The following KMT5B variants were observed in gnomAD, a reference collection of about 807,000 sequenced individuals.
KMT5B encodes the protein lysine methyltransferase 5B.
Under a neutral mutation model 83.2 loss-of-function variants are expected in KMT5B, and 10 were observed. The observed-to-expected ratio is 0.12, with a 90% CI of 0.07 to 0.20. KMT5B has a LOEUF of 0.20. Ranked by LOEUF, KMT5B falls within the 10% of genes least tolerant of loss-of-function variation. The pLI is 1.00. For synonymous variants in KMT5B, 349 were observed against 388.8 expected (o/e 0.90, Z 1.20); for missense variants, 753 against 1,067.2 (o/e 0.71, Z 4.10).
At chr11:68,211,174 C>T (rs1406052339) in intron 1 of KMT5B, among the ~76,000 whole-genome samples, 2 of 152,210 alleles carry the variant, frequency 1.3e-5, no homozygotes, top group Non-Finnish European at 2.9e-5. Context: ...ACTAAATTCT[C>T]TGCTGAAAGA....
intron 1 of KMT5B, among the ~76,000 whole-genome samples, chr11:68,190,586 C>T (rs777066418): frequency 1.6e-4 from 24 of 152,080 alleles, no homozygotes; most frequent in Non-Finnish European, 2.6e-4. Flanking sequence ...TGGATAATCC[C>T]GACCCTGTGT....
intron 1 of KMT5B, among the ~76,000 whole-genome samples, chr11:68,203,552 C>A (rs545263060): frequency 1.3e-5 from 2 of 152,296 alleles, no homozygotes; most frequent in South Asian, 4.1e-4. Flanking sequence ...TAAAAGAAGC[C>A]CTGCAAAGCT....
intron 1 of KMT5B, among the ~76,000 whole-genome samples, chr11:68,211,421 T>TA (rs1228864838): frequency 6.6e-6 from 1 of 152,214 alleles, no homozygotes; most frequent in African/African-American, 2.4e-5. Flanking sequence ...ATTGAAGAAA[T>TA]ATCTACCATA....
intron 1 of KMT5B, among the ~76,000 whole-genome samples, chr11:68,198,475 GACA>G (rs1282094229): frequency 5.5e-5 from 7 of 127,106 alleles, no homozygotes; most frequent in African/African-American, 2.3e-4. Flanking sequence ...GACAAGACAA[GACA>G]AGACAAGACA....
intron 1 of KMT5B, among the ~76,000 whole-genome samples, chr11:68,202,373 G>A (rs964845578): frequency 1.3e-5 from 2 of 152,076 alleles, no homozygotes; most frequent in African/African-American, 4.8e-5. Context: ...TGCACTTGGG[G>A]TGCCGCCACA....
chr11:68,168,155 G>A (rs1463624816), intron 9 of KMT5B, among the ~76,000 whole-genome samples: 1 of 152,062 alleles, frequency 6.6e-6, no homozygotes, highest in Non-Finnish European at 1.5e-5. Context: ...GCAAGACTCC[G>A]TCTAAAAAAA....
intron 6 of KMT5B, among the ~76,000 whole-genome samples, chr11:68,173,471 C>A (rs1856043857): frequency 6.6e-6 from 1 of 152,194 alleles, no homozygotes; most frequent in Non-Finnish European, 1.5e-5. Context: ...TTAGCCCCAA[C>A]CTTTCTTCTA....
At chr11:68,209,318 G>T (rs1156977154) in intron 1 of KMT5B, among the ~76,000 whole-genome samples, 2 of 152,156 alleles carry the variant, frequency 1.3e-5, no homozygotes, top group African/African-American at 2.4e-5. Context: ...TGGAATACTG[G>T]TCATGTCCAG....
chr11:68,165,773 A>G, intron 10 of KMT5B: 2 of 1,511,964 alleles, frequency 1.3e-6, no homozygotes, highest in Non-Finnish European at 1.8e-6. Flanking sequence ...ATGATTGACT[A>G]ACTCTTGTTG....
chr11:68,208,543 C>T (rs529559120), intron 1 of KMT5B, among the ~76,000 whole-genome samples: 1 of 152,212 alleles, frequency 6.6e-6, no homozygotes, highest in East Asian at 1.9e-4. Flanking sequence ...GCATAGAGGT[C>T]AGAGCATACT....
rs143819805 is a variant in KMT5B, at chr11:68,203,779, G to A, written c.-77+9359C>T. Among the ~76,000 whole-genome samples, 38 of 152,200 alleles carry A rather than the reference G, an allele frequency of 2.5e-4. 1 individual carries two copies. Among genetic ancestry groups the A allele is most frequent in the African/African-American group, 8.4e-4 (35 of 41,530 alleles). ...GTGTTAGTATTATGAAAAGAGAAAG[G>A]CCTCAGGGTTTTCATTTCCCTGAAT... On this transcript the variant is annotated intron_variant, in intron 1 of 10. Transcript: ENST00000304363.
intron 1 of KMT5B, among the ~76,000 whole-genome samples, chr11:68,196,513 T>C (rs1422786763): frequency 6.7e-6 from 1 of 149,408 alleles, no homozygotes; most frequent in African/African-American, 2.5e-5. Context: ...ATGAAATAAA[T>C]AGGTTGTATT....
In KMT5B at chr11:68,167,198, A is replaced by G; in HGVS notation, c.978-20T>C. ...CCCCGTCTGAAAGAGAAAATAGCAC[A>G]GGTTAAACAAATAGAACACACTTTC... On this transcript the variant is annotated intron_variant, in intron 9 of 10. Coordinates refer to ENST00000304363, the MANE Select transcript of KMT5B (RefSeq NM_017635.5). 6.3e-7 allele frequency: 1 copy of G among 1,584,170 alleles called. No individual in the cohort carries two copies. The highest frequency in any genetic ancestry group is 8.6e-7 in the Non-Finnish European group (1 of 1,163,420).
intron 3 of KMT5B, among the ~76,000 whole-genome samples, chr11:68,181,954 C>A (rs2153063519): frequency 6.6e-6 from 1 of 152,320 alleles, no homozygotes; most frequent in Middle Eastern, 3.4e-3. Context: ...GCTGCTCTAA[C>A]CAGGGCAACA....
rs558038816 is a variant in KMT5B, at chr11:68,191,373, G to A, written c.-76-1221C>T. ...ATTTGAGACAGGGCCTTGCTCTGTC[G>A]CCCCGGCTAGAGTGCAGTGGTGCCA... On this transcript the variant is annotated intron_variant, in intron 1 of 10. Transcript: ENST00000304363. Among the ~76,000 whole-genome samples, 36 of 151,844 alleles carry A rather than the reference G, an allele frequency of 2.4e-4. No homozygotes were observed. In the South Asian group the frequency reaches 5.8e-3, roughly 25 times the overall value.
At chr11:68,179,777 A>G (rs1856741302) in intron 4 of KMT5B, 2 of 509,214 alleles carry the variant, frequency 3.9e-6, no homozygotes, top group Non-Finnish European at 5.9e-6. Flanking sequence ...GCAAATCCAC[A>G]GTTTGTAGAC....
chr11:68,160,629 C>A (rs374153484), intron 10 of KMT5B, among the ~76,000 whole-genome samples: 1 of 152,294 alleles, frequency 6.6e-6, no homozygotes, highest in South Asian at 2.1e-4. Flanking sequence ...CCCAGCTAAG[C>A]AAGTAAGTTA....
At chr11:68,206,046 T>G (rs1358633312) in intron 1 of KMT5B, among the ~76,000 whole-genome samples, 3 of 152,230 alleles carry the variant, frequency 2.0e-5, no homozygotes, top group South Asian at 4.1e-4. Flanking sequence ...AATACGTATT[T>G]ACGACGAGGG....
intron 9 of KMT5B, among the ~76,000 whole-genome samples, chr11:68,168,753 C>T (rs1056138770): frequency 7.9e-5 from 12 of 152,158 alleles, no homozygotes; most frequent in East Asian, 1.9e-4. Context: ...GTGTCTAGCG[C>T]GACTCAGTGT....
Sources: gnomAD v4.1 joint callset for allele counts (sites outside exome capture counted in the v4.1 genomes callset) on GRCh38, gnomAD v4.1.1 for gene constraint, MANE v1.5 for transcripts, NCBI Gene and HGNC (gene_info 2026-07-23, HGNC 2026-07-21) for gene names.